The following RASEF variants were observed in gnomAD, a reference collection of about 807,000 sequenced individuals.
RASEF encodes RAS and EF-hand domain containing, also known as ras and EF-hand domain-containing protein.
RASEF carries 68 observed loss-of-function variants against 90.1 expected under a neutral mutation model. That is an observed-to-expected ratio of 0.75 (90% CI 0.62 to 0.92). The LOEUF (loss-of-function observed/expected upper bound fraction) is 0.92, where lower values mean the gene tolerates loss of function less well. Among genes scored for constraint, RASEF ranks in the 40% least tolerant of loss-of-function variants. RASEF has a pLI of 0.00. For missense variants in RASEF, 949 were observed against 937.2 expected (o/e 1.01, Z -0.16); for synonymous variants, 331 against 345.2 (o/e 0.96, Z 0.46).
At chr9:83,130,408 A>T in the RASEF span, among the ~76,000 whole-genome samples, 36 of 152,298 alleles carry the variant, frequency 2.4e-4, no homozygotes, top group African/African-American at 8.7e-4. Context: ...ATGAACCTAC[A>T]TGGACACATC....
chr9:83,095,838 A>C, the RASEF span, among the ~76,000 whole-genome samples: 16 of 152,270 alleles, frequency 1.1e-4, no homozygotes, highest in African/African-American at 3.8e-4. Context: ...TAACTAATTC[A>C]TGATCCCTTT....
the RASEF span, among the ~76,000 whole-genome samples, chr9:83,153,930 A>G: frequency 2.8e-3 from 419 of 152,314 alleles, 2 homozygotes; most frequent in African/African-American, 9.9e-3. Context: ...GTTGTCAAAC[A>G]ACATTTCCAC....
rs1828628531 is a variant in RASEF, at chr9:82,982,596, C to T, written c.*81G>A. On this transcript the variant is annotated 3_prime_UTR_variant, in exon 17 of 17. Transcript: ENST00000376447. Reference sequence around the variant, plus strand: ...CATAGGACAGTGTCAGTAGGATGTGCCACTCTGTTAAGAGCCAAATAAGTC... The same window carrying T: ...CATAGGACAGTGTCAGTAGGATGTGTCACTCTGTTAAGAGCCAAATAAGTC... 3.7e-6 allele frequency: 3 copies of T among 812,740 alleles called. No individual in the cohort carries two copies. The highest frequency in any genetic ancestry group is 2.8e-5 in the South Asian group (2 of 71,774). The allele number at this position is 812,740 out of a possible 1,614,324, so 50.3% of individuals were successfully genotyped here.
At chr9:83,183,668 C>T in the RASEF span, among the ~76,000 whole-genome samples, 8 of 152,110 alleles carry the variant, frequency 5.3e-5, 1 homozygote, top group Non-Finnish European at 1.0e-4. Flanking sequence ...TTTTAAAAAG[C>T]GGTCAGGGCA....
At chr9:83,076,220 A>G in the RASEF span, among the ~76,000 whole-genome samples, 1 of 152,084 alleles carries the variant, frequency 6.6e-6, no homozygotes, top group Admixed American at 6.6e-5. Flanking sequence ...GCATTATATG[A>G]TTCAGTATTT....
At chr9:83,039,472 C>A (rs1829800738) in intron 1 of RASEF, among the ~76,000 whole-genome samples, 1 of 152,184 alleles carries the variant, frequency 6.6e-6, no homozygotes, top group Non-Finnish European at 1.5e-5. Flanking sequence ...GGATCTGCGA[C>A]AGGCTCAGAA....
At chr9:83,028,112 A>G (rs912506366) in intron 1 of RASEF, among the ~76,000 whole-genome samples, 1 of 152,242 alleles carries the variant, frequency 6.6e-6, no homozygotes. Flanking sequence ...AACTTACCAT[A>G]ATACCAGCAT....
chr9:83,133,281 C>T, the RASEF span, among the ~76,000 whole-genome samples: 29 of 152,188 alleles, frequency 1.9e-4, no homozygotes, highest in African/African-American at 7.0e-4. Flanking sequence ...GAAAAGGACT[C>T]CAACACTAGT....
At chr9:83,193,153 G>A in the RASEF span, among the ~76,000 whole-genome samples, 2 of 152,294 alleles carry the variant, frequency 1.3e-5, no homozygotes, top group African/African-American at 4.8e-5. Flanking sequence ...CCATCAGACT[G>A]AGCTCCCACA....
At chr9:83,206,393 C>G in the RASEF span, among the ~76,000 whole-genome samples, 5 of 152,166 alleles carry the variant, frequency 3.3e-5, no homozygotes, top group Admixed American at 6.5e-5. Context: ...AGATGACAGG[C>G]ATAAAATACT....
the RASEF span, among the ~76,000 whole-genome samples, chr9:83,088,602 G>A: frequency 6.6e-6 from 1 of 151,934 alleles, no homozygotes; most frequent in Non-Finnish European, 1.5e-5. Flanking sequence ...GGCCTCTGTT[G>A]TTAGATGCAA....
rs549544745 is a variant in RASEF at position 83,006,811 on chromosome 9, G to A, written c.1028+626C>T. On this transcript the variant is annotated intron_variant, in intron 7 of 16. Transcript: ENST00000376447. The stretch of plus-strand genomic sequence containing the variant: ...GAGAAGCCTCAAAAACTCAGGGTAC[G>A]GGCCGGGCGTGGTGGCTCATGCCTG... Among the ~76,000 whole-genome samples, 10 of 152,200 alleles carry A rather than the reference G, an allele frequency of 6.6e-5. No individual in the cohort carries two copies. In the South Asian group the frequency reaches 1.0e-3, roughly 16 times the overall value.
the RASEF span, chr9:83,200,973 G>A: frequency 1.3e-5 from 2 of 152,336 alleles, 1 homozygote; most frequent in South Asian, 4.1e-4. Flanking sequence ...CCAGGATTTT[G>A]TACATAAAGA....
intron 9 of RASEF, among the ~76,000 whole-genome samples, chr9:83,003,137 G>A (rs1829067995): frequency 1.3e-5 from 2 of 152,110 alleles, no homozygotes; most frequent in African/African-American, 4.8e-5. Context: ...CATCTAATCT[G>A]ATGTACAACA....
chr9:83,062,676 G>C lies in RASEF; in HGVS notation c.192C>G (p.Phe64Leu), dbSNP rs775590384. 3 of 1,575,182 alleles carry C rather than the reference G, an allele frequency of 1.9e-6. No individual in the cohort carries two copies. Among genetic ancestry groups the C allele is most frequent in the Non-Finnish European group, 2.6e-6 (3 of 1,169,026 alleles). The part of the protein sequence containing the change: ...LDADRDGAIT[F>L]QEFARGFLGS... Reference sequence around the variant, plus strand: ...CGAGGAAGCCACGCGCGAACTCCTGGAAGGTGATGGCGCCGTCACGGTCGG... The same window carrying C: ...CGAGGAAGCCACGCGCGAACTCCTGCAAGGTGATGGCGCCGTCACGGTCGG... The change falls in exon 1 of 17, where the codon TTC becomes TTG. Residue 64 changes from phenylalanine to leucine, a missense_variant. By Grantham distance (22) the Phe-to-Leu change is conservative. This residue lies in a region of RASEF where 656 missense variants were observed against 592.2 expected (regional missense o/e 1.11). Coordinates refer to ENST00000376447, the MANE Select transcript of RASEF (RefSeq NM_152573.4).
chr9:83,012,490 C>A lies in RASEF; in HGVS notation c.787G>T (p.Val263Leu), dbSNP rs370500066. Reference protein sequence around the residue: ...LRKLEEQSKRVSQKEDVAALK... With the variant: ...LRKLEEQSKRLSQKEDVAALK... ...GCAGCCACATCTTCCTTTTGACTTACGCGTTTTGATTGTTCTTCGAGCTGA... is the reference window on the plus strand; with the variant it reads ...GCAGCCACATCTTCCTTTTGACTTAAGCGTTTTGATTGTTCTTCGAGCTGA... The change falls in exon 5 of 17, where the codon GTA (valine) becomes TTA (leucine). Residue 263 changes from valine (V) to leucine (L), a missense_variant. Around this residue, in one of 3 missense-constraint regions of RASEF, gnomAD observed 656 missense variants for 592.2 expected, o/e 1.11. Transcript: ENST00000376447. 2 of 1,589,330 alleles carry A rather than the reference C, an allele frequency of 1.3e-6. No individual in the cohort carries two copies. Among genetic ancestry groups the A allele is most frequent in the Non-Finnish European group, 1.7e-6 (2 of 1,168,854 alleles).
chr9:83,090,186 A>G, the RASEF span, among the ~76,000 whole-genome samples: 1 of 151,950 alleles, frequency 6.6e-6, no homozygotes, highest in Non-Finnish European at 1.5e-5. Flanking sequence ...CAGAATTTCT[A>G]TTTTTTTAAA....
chr9:83,082,937 C>G, the RASEF span, among the ~76,000 whole-genome samples: 1 of 152,134 alleles, frequency 6.6e-6, no homozygotes. Flanking sequence ...TAAGATCATG[C>G]GCCCAGTGAT....
chr9:83,057,056 C>T (rs1830114888), intron 1 of RASEF, among the ~76,000 whole-genome samples: 1 of 152,156 alleles, frequency 6.6e-6, no homozygotes, highest in Non-Finnish European at 1.5e-5. Context: ...GCTCATAAAA[C>T]CTAAGGCATG....
Sources: allele counts gnomAD v4.1 joint callset (sites outside exome capture counted in the v4.1 genomes callset), GRCh38; gene constraint gnomAD v4.1.1; regional missense constraint gnomAD v4.1.1; transcripts MANE v1.5; gene names NCBI Gene and HGNC (gene_info 2026-07-23, HGNC 2026-07-21).